Variants in FOXM1 observed in about 807,000 individuals in gnomAD.
FOXM1 encodes forkhead box M1, also known as forkhead box protein M1.
A neutral mutation model predicts 63.6 loss-of-function variants in FOXM1; 25 were observed. The observed-to-expected ratio is 0.39, with a 90% CI of 0.29 to 0.55. The LOEUF is 0.55. FOXM1 is among the 20% of genes least tolerant of loss of function. FOXM1 has a pLI of 0.60. For missense variants in FOXM1, 879 were observed against 958.7 expected (o/e 0.92, Z 1.10); for synonymous variants, 387 against 376.9 (o/e 1.03, Z -0.31).
intron 6 of FOXM1, among the ~76,000 whole-genome samples, chr12:2,865,102 C>A (rs951608072): frequency 6.6e-6 from 1 of 152,196 alleles, no homozygotes; most frequent in African/African-American, 2.4e-5. Flanking sequence ...GTGCCATGCG[C>A]TTGTGGCTGC....
At chr12:2,859,973 T>C (rs1393347104) in intron 8 of FOXM1, among the ~76,000 whole-genome samples, 1 of 152,134 alleles carries the variant, frequency 6.6e-6, no homozygotes, top group Non-Finnish European at 1.5e-5. Flanking sequence ...TAGCGGGTAG[T>C]GACATTATTG....
intron 8 of FOXM1, 64 bp from the exon 9 acceptor site, chr12:2,859,727 A>G (rs528016522): frequency 8.3e-7 from 1 of 1,200,708 alleles, no homozygotes; most frequent in Non-Finnish European, 1.2e-6. Context: ...AAAATATCAC[A>G]TACGGGTTCT....
chr12:2,868,834 A>C, intron 3 of FOXM1, 80 bp from the exon 4 acceptor site: 1 of 1,131,852 alleles, frequency 8.8e-7, no homozygotes, highest in Non-Finnish European at 1.3e-6. Context: ...GAACATCTAG[A>C]GAAACCTTTA....
At chr12:2,863,154 A>G (rs748023089) in intron 8 of FOXM1, among the ~76,000 whole-genome samples, 4 of 152,084 alleles carry the variant, frequency 2.6e-5, no homozygotes, top group Non-Finnish European at 4.4e-5. Flanking sequence ...GGTGGGTGCT[A>G]CTGGCGTCTA....
At position 2,858,978 on chromosome 12, in the gene FOXM1, G is replaced by A. The variant is rs941533989; in HGVS notation, c.1952C>T (p.Pro651Leu). Residue 651 changes from proline to leucine, a missense_variant, in exon 9 of 9, where the codon CCT (proline) becomes CTT (leucine). Physicochemically the swap from Pro to Leu is moderately conservative, Grantham distance 98. This residue lies in a region of FOXM1 where 486 missense variants were observed against 453.5 expected (regional missense o/e 1.07). Coordinates refer to ENST00000359843, the MANE Select transcript of FOXM1 (RefSeq NM_021953.4). ...GAGATCCATCAGCCCCAGGGGGTCA[G>A]GCAAGGGGTCAGAGGCACCCTGGGA... The part of the protein sequence containing the change: ...QTSQGASDPL[P>L]DPLGLMDLST... 6.8e-6 allele frequency: 11 copies of A among 1,613,570 alleles called. No homozygotes were observed. Among genetic ancestry groups the A allele is most frequent in the Non-Finnish European group, 8.5e-6 (10 of 1,179,894 alleles).
In FOXM1 at chr12:2,864,951, GAC is replaced by G; in HGVS notation, c.1021-201_1021-200del. 1.6e-6 allele frequency: 1 copy of G among 628,352 alleles called. No individual in the cohort carries two copies. Among genetic ancestry groups the G allele is most frequent in the Non-Finnish European group, 2.9e-6 (1 of 349,310 alleles). 38.9% of individuals were successfully genotyped at this position (628,352 alleles called of 1,614,324 possible). On this transcript the variant is annotated intron_variant, in intron 6 of 8. Coordinates refer to ENST00000359843, the MANE Select transcript of FOXM1 (RefSeq NM_021953.4). The surrounding 1 kb of genome is among the most constrained non-coding windows in gnomAD (Gnocchi z 5.1). Reference sequence around the variant, plus strand: ...TGAGTGGGCAGGTGGGTGGCCTACAGACACATGATGGCAGAGTGGCACTACCG... The same window carrying G: ...TGAGTGGGCAGGTGGGTGGCCTACAGACATGATGGCAGAGTGGCACTACCG...
chr12:2,867,609 C>T (rs1283710027), intron 4 of FOXM1, among the ~76,000 whole-genome samples: 2 of 145,396 alleles, frequency 1.4e-5, no homozygotes, highest in East Asian at 2.1e-4. Context: ...TTGCAGTGAG[C>T]CGAGATCGCG....
intron 8 of FOXM1, 49 bp from the exon 9 acceptor site, chr12:2,859,712 G>T: frequency 1.4e-6 from 2 of 1,400,928 alleles, no homozygotes; most frequent in Non-Finnish European, 1.9e-6. Context: ...CAGACAGGAC[G>T]CACAAAAATA....
Position 2,864,599 on chromosome 12 carries a change from G to T in FOXM1, c.1090+84C>A. 6.3e-7 allele frequency: 1 copy of T among 1,585,968 alleles called. No homozygotes were observed. Among genetic ancestry groups the T allele is most frequent in the African/African-American group, 1.3e-5 (1 of 74,370 alleles). ...CTCTGGGCTCAGATCCCTTTGAGGT[G>T]GGAACAGAATCCCAGAGTCTGGTTC... On this transcript the variant is annotated intron_variant, in intron 7 of 8. Coordinates refer to ENST00000359843, the MANE Select transcript of FOXM1 (RefSeq NM_021953.4). The surrounding 1 kb of genome is among the most constrained non-coding windows in gnomAD (Gnocchi z 5.1).
In FOXM1 at chr12:2,858,838, C is replaced by T; in HGVS notation, c.2092G>A (p.Asp698Asn). ...TCCGGGGAGCCTGGCTTGGGGACGTCTATATCTGAGGGAGAAGAGTTGCCA... is the reference window on the plus strand; with the variant it reads ...TCCGGGGAGCCTGGCTTGGGGACGTTTATATCTGAGGGAGAAGAGTTGCCA... ...PFGNSSPSDI[D>N]VPKPGSPEPQ... The change falls in exon 9 of 9, where the codon GAC (aspartate) becomes AAC (asparagine). Residue 698 changes from aspartate to asparagine, a missense_variant. Around this residue, in one of 4 missense-constraint regions of FOXM1, gnomAD observed 486 missense variants for 453.5 expected, o/e 1.07. Transcript: ENST00000359843. 2 of 1,614,146 alleles carry T rather than the reference C, an allele frequency of 1.2e-6. No homozygotes were observed. The highest frequency in any genetic ancestry group is 8.5e-7 in the Non-Finnish European group (1 of 1,180,034).
chr12:2,862,180 GGA>G (rs2098114940), intron 8 of FOXM1, among the ~76,000 whole-genome samples: 1 of 134,088 alleles, frequency 7.5e-6, no homozygotes, highest in African/African-American at 3.1e-5. Flanking sequence ...CTCCGTCTCA[GGA>G]AAAAAAAAAA....
Position 2,872,566 on chromosome 12 carries a change from G to A in FOXM1, c.503-319C>T, listed in dbSNP as rs750138585. Among the ~76,000 whole-genome samples, 5 of 152,048 alleles carry A rather than the reference G, an allele frequency of 3.3e-5. No homozygotes were observed. Among genetic ancestry groups the A allele is most frequent in the African/African-American group, 4.8e-5 (2 of 41,386 alleles). On this transcript the variant is annotated intron_variant, in intron 2 of 8. Coordinates refer to ENST00000359843, the MANE Select transcript of FOXM1 (RefSeq NM_021953.4). This position sits in a 1 kb window ranked among gnomAD's most constrained non-coding sequence, Gnocchi z 4.0. ...GAAGGCTGCAGTGAGCCAACATTGC[G>A]CCACTACACTCCAGCCTGAGTGAGA... is the stretch of plus-strand genomic sequence containing the variant.
At chr12:2,870,273 G>A (rs1193769084) in intron 3 of FOXM1, among the ~76,000 whole-genome samples, 1 of 152,300 alleles carries the variant, frequency 6.6e-6, no homozygotes, top group East Asian at 1.9e-4. Context: ...ATCGCGCCTG[G>A]CCAAATTTTC....
rs1184024902 is a variant in FOXM1, at chr12:2,864,055, T to C, written c.1266+265A>G. On this transcript the variant is annotated intron_variant, in intron 8 of 8. Transcript: ENST00000359843. The surrounding 1 kb of genome is among the most constrained non-coding windows in gnomAD (Gnocchi z 5.1). The stretch of plus-strand genomic sequence containing the variant: ...CTCCCTTGTGTATCTTCCTTAATAA[T>C]CCTAGCCCATCTATCACAATCACTT... The C allele has an allele frequency of 2.0e-5, 8 of 407,284 alleles. No individual in the cohort carries two copies. The highest frequency in any genetic ancestry group is 3.1e-5 in the Non-Finnish European group (7 of 223,184). The allele number at this position is 407,284 out of a possible 1,614,324, so 25.2% of individuals were successfully genotyped here.
At position 2,864,874 on chromosome 12, in the gene FOXM1, A is replaced by C. The variant is rs938065795; in HGVS notation, c.1021-122T>G. 9.2e-6 allele frequency: 10 copies of C among 1,084,728 alleles called. No homozygotes were observed. In the African/African-American group the frequency reaches 1.5e-4, roughly 17 times the overall value. 67.2% of individuals were successfully genotyped at this position (1,084,728 alleles called of 1,614,324 possible). On this transcript the variant is annotated intron_variant, in intron 6 of 8. Coordinates refer to ENST00000359843, the MANE Select transcript of FOXM1 (RefSeq NM_021953.4). This position sits in a 1 kb window ranked among gnomAD's most constrained non-coding sequence, Gnocchi z 5.1. ...CTTGAGTTAATGACAGCCCAGAGAGAGGAGGCCAACCTGAGGGGATGGACG... is the reference window on the plus strand; with the variant it reads ...CTTGAGTTAATGACAGCCCAGAGAGCGGAGGCCAACCTGAGGGGATGGACG...
Position 2,864,563 on chromosome 12 carries a change from T to G in FOXM1, c.1091-68A>C. ...ACACCCCTTCTCAGCCCCAGGAGCT[T>G]TGCTCTCCTTCTCTGGGCTCAGATC... On this transcript the variant is annotated intron_variant, in intron 7 of 8. Transcript: ENST00000359843. The surrounding 1 kb of genome is among the most constrained non-coding windows in gnomAD (Gnocchi z 5.1). 1 of 1,584,098 alleles carries G rather than the reference T, an allele frequency of 6.3e-7. No homozygotes were observed.
intron 3 of FOXM1, among the ~76,000 whole-genome samples, 189 bp downstream of exon 3, chr12:2,871,907 A>T (rs1440239481): frequency 6.6e-6 from 1 of 152,138 alleles, no homozygotes; most frequent in African/African-American, 2.4e-5. Flanking sequence ...CCCTCAAGGA[A>T]ATTTCACAGA....
chr12:2,877,011 C>T lies in FOXM1; in HGVS notation c.-139G>A, dbSNP rs908302471. 4 of 150,958 alleles carry T rather than the reference C, an allele frequency of 2.6e-5. No individual in the cohort carries two copies. Among genetic ancestry groups the T allele is most frequent in the African/African-American group, 9.7e-5 (4 of 41,190 alleles). The allele number at this position is 150,958 out of a possible 1,614,324, so 9.4% of individuals were successfully genotyped here. On this transcript the variant is annotated 5_prime_UTR_variant, in exon 1 of 9. Transcript: ENST00000359843. ...CTGGGGGCCGAGCCAGGGCCCCGGA[C>T]GGGGGCTCGCGCCGGACCGGCCGGG...
intron 1 of FOXM1, among the ~76,000 whole-genome samples, chr12:2,875,597 T>A (rs1461376853): frequency 6.6e-6 from 1 of 152,192 alleles, no homozygotes; most frequent in African/African-American, 2.4e-5. Context: ...TGTGGTTATA[T>A]ATATTTTAAC....
Sources: gnomAD v4.1 joint callset for allele counts (sites outside exome capture counted in the v4.1 genomes callset) on GRCh38, gnomAD v4.1.1 for gene constraint, gnomAD v4.1.1 regional missense constraint, Gnocchi (gnomAD v3.1) non-coding constraint, MANE v1.5 for transcripts, NCBI Gene and HGNC (gene_info 2026-07-23, HGNC 2026-07-21) for gene names.